The following ST3GAL3 variants were observed in gnomAD, a reference collection of about 807,000 sequenced individuals.
ST3GAL3 encodes CMP-N-acetylneuraminate-beta-1,4-galactoside alpha-2,3-sialyltransferase.
Under a neutral mutation model 50.1 loss-of-function variants are expected in ST3GAL3, and 21 were observed. The ratio of observed to expected loss-of-function variants is 0.42; its 90% CI spans 0.30 to 0.60. The LOEUF (loss-of-function observed/expected upper bound fraction) is 0.60, where lower values mean the gene tolerates loss of function less well. Ranked by LOEUF, ST3GAL3 falls within the 20% of genes least tolerant of loss-of-function variation. The pLI is 0.19. For missense variants in ST3GAL3, 353 were observed against 489.4 expected, an observed-to-expected ratio of 0.72 and a Z score of 2.63; for synonymous variants, 183 against 190.0, an observed-to-expected ratio of 0.96 and a Z score of 0.30.
At chr1:43,786,123 A>G (rs1401239370) in intron 2 of ST3GAL3, among the ~76,000 whole-genome samples, 4 of 151,440 alleles carry the variant, frequency 2.6e-5, no homozygotes, top group Non-Finnish European at 5.9e-5. Context: ...CTCCTTATTG[A>G]TCTCCCTGTC....
intron 3 of ST3GAL3, among the ~76,000 whole-genome samples, chr1:43,792,800 C>T (rs1361509584): frequency 3.9e-5 from 6 of 152,230 alleles, no homozygotes; most frequent in Non-Finnish European, 8.8e-5. Context: ...ACCTGTTCCA[C>T]ATCACTGTGC....
At chr1:43,850,958 G>A (rs2067181303) in intron 5 of ST3GAL3, 1 of 992,820 alleles carries the variant, frequency 1.0e-6, no homozygotes, top group South Asian at 1.3e-5. Flanking sequence ...AGATCGTGCG[G>A]ACTTGGCAGC....
rs1571796162 is a variant in ST3GAL3, at chr1:43,736,640, C to T, written c.118+260C>T. On this transcript the variant is annotated intron_variant, in intron 2 of 11. Transcript: ENST00000347631. Reference sequence around the variant, plus strand: ...AGAATGTGCTATTCTTCAATAAAAACCCAAACTATACTCATACTTCTAGTT... The same window carrying T: ...AGAATGTGCTATTCTTCAATAAAAATCCAAACTATACTCATACTTCTAGTT... The T allele has an allele frequency of 6.9e-6, 4 of 583,668 alleles. No individual in the cohort carries two copies. In the East Asian group the frequency reaches 1.3e-4, roughly 19 times the overall value. 36.2% of individuals were successfully genotyped at this position (583,668 alleles called of 1,614,324 possible). A position where few individuals can be genotyped will look rare whatever the true frequency, so the allele number is the denominator to read the frequency against.
At chr1:43,863,137 A>G (rs186575960) in intron 5 of ST3GAL3, among the ~76,000 whole-genome samples, 8 of 152,322 alleles carry the variant, frequency 5.3e-5, no homozygotes, top group African/African-American at 1.7e-4. Flanking sequence ...GTCCCAGCTC[A>G]CTGTCTGGGG....
intron 9 of ST3GAL3, among the ~76,000 whole-genome samples, chr1:43,909,856 G>A (rs562124760): frequency 6.6e-6 from 1 of 152,302 alleles, no homozygotes; most frequent in East Asian, 1.9e-4. Context: ...CAGAAAGAAA[G>A]ATAACTAGTA....
At chr1:43,917,450 A>AAT (rs1553135421) in intron 9 of ST3GAL3, among the ~76,000 whole-genome samples, 1 of 23,420 alleles carries the variant, frequency 4.3e-5, no homozygotes, top group Non-Finnish European at 2.3e-4. Flanking sequence ...TATAATATAT[A>AAT]ATATATAATA....
intron 2 of ST3GAL3, among the ~76,000 whole-genome samples, chr1:43,791,036 C>G (rs1416001073): frequency 6.6e-6 from 1 of 152,168 alleles, no homozygotes; most frequent in Admixed American, 6.5e-5. Context: ...GAGCACCAGA[C>G]TCCATTTTGC....
intron 2 of ST3GAL3, among the ~76,000 whole-genome samples, chr1:43,756,257 T>C (rs1688072921): frequency 1.3e-5 from 2 of 152,082 alleles, no homozygotes; most frequent in African/African-American, 4.8e-5. Flanking sequence ...GCACCATGTA[T>C]GTGAAATGGA....
chr1:43,825,983 G>A (rs1367993986), intron 4 of ST3GAL3, among the ~76,000 whole-genome samples: 1 of 152,042 alleles, frequency 6.6e-6, no homozygotes, highest in Non-Finnish European at 1.5e-5. Flanking sequence ...AAAGAATAAT[G>A]GGCCGGGTGA....
At chr1:43,767,983 A>G (rs1693733606) in intron 2 of ST3GAL3, among the ~76,000 whole-genome samples, 1 of 152,200 alleles carries the variant, frequency 6.6e-6, no homozygotes, top group Non-Finnish European at 1.5e-5. Flanking sequence ...AAGAAGTTAG[A>G]AAATGTAGAG....
At chr1:43,929,280 C>A (rs1170261552) in intron 11 of ST3GAL3, among the ~76,000 whole-genome samples, 2 of 150,900 alleles carry the variant, frequency 1.3e-5, no homozygotes, top group South Asian at 4.2e-4. Flanking sequence ...ATGTACAATT[C>A]TTTCAATTAA....
At chr1:43,827,679 T>A (rs78630280) in intron 4 of ST3GAL3, among the ~76,000 whole-genome samples, 1 of 152,072 alleles carries the variant, frequency 6.6e-6, no homozygotes, top group Non-Finnish European at 1.5e-5. Flanking sequence ...ATTTTTTTTT[T>A]ATGTTTTTTA....
intron 5 of ST3GAL3, among the ~76,000 whole-genome samples, chr1:43,875,974 A>C (rs776306087): frequency 3.0e-5 from 4 of 134,132 alleles, no homozygotes; most frequent in East Asian, 2.2e-4. Flanking sequence ...TATTATTATT[A>C]TTATTATTTT....
chr1:43,841,137 T>A (rs2065304938), intron 5 of ST3GAL3: 1 of 152,366 alleles, frequency 6.6e-6, no homozygotes, highest in Non-Finnish European at 1.5e-5. Context: ...CCCCTGTGGC[T>A]GCTCTCATGG....
chr1:43,749,898 T>A (rs1376965361), intron 2 of ST3GAL3, among the ~76,000 whole-genome samples: 1 of 152,242 alleles, frequency 6.6e-6, no homozygotes, highest in African/African-American at 2.4e-5. Context: ...TTTCCCTTCC[T>A]GTGGATGCAC....
intron 9 of ST3GAL3, among the ~76,000 whole-genome samples, chr1:43,906,178 A>C (rs867995444): frequency 1.2e-3 from 56 of 45,454 alleles, no homozygotes; most frequent in Admixed American, 1.5e-3. Context: ...CCTTCCTGCC[A>C]CTCTTCCTCC....
intron 2 of ST3GAL3, among the ~76,000 whole-genome samples, chr1:43,742,206 T>A (rs1042602755): frequency 2.6e-5 from 4 of 152,010 alleles, no homozygotes; most frequent in Non-Finnish European, 5.9e-5. Flanking sequence ...AGTAGAAAGA[T>A]CTCATTAACA....
rs112930372 is a variant in ST3GAL3, at chr1:43,848,159, A to C, written c.302+9848A>C. Among the ~76,000 whole-genome samples, 661 of 152,126 alleles carry C rather than the reference A, an allele frequency of 4.3e-3. 10 individuals are homozygous for C. The highest frequency in any genetic ancestry group is 0.015 in the African/African-American group (616 of 41,514). ...ACTCTATTTACTTGCTTCATTCCTG[A>C]CAAAACGTCTTCTGTCATTCTTACC... On this transcript the variant is annotated intron_variant, in intron 5 of 11. Transcript: ENST00000347631.
chr1:43,813,902 C>T (rs1473045920), intron 3 of ST3GAL3, among the ~76,000 whole-genome samples: 20 of 83,192 alleles, frequency 2.4e-4, no homozygotes, highest in South Asian at 4.3e-4. Flanking sequence ...CACGCACACA[C>T]GCACACACAC....
Sources: allele counts gnomAD v4.1 joint callset (sites outside exome capture counted in the v4.1 genomes callset), GRCh38; gene constraint gnomAD v4.1.1; transcripts MANE v1.5; gene names NCBI Gene and HGNC (gene_info 2026-07-23, HGNC 2026-07-21).